Variants in ADRA1B observed in about 807,000 individuals in gnomAD.
ADRA1B encodes the protein alpha-1B adrenergic receptor.
ADRA1B carries 17 observed loss-of-function variants against 17.9 expected under a neutral mutation model. The ratio of observed to expected loss-of-function variants is 0.95; its 90% CI spans 0.65 to 1.42. The LOEUF (loss-of-function observed/expected upper bound fraction) is 1.42. ADRA1B is among the 40% of genes most tolerant of loss of function. The probability of loss-of-function intolerance (pLI) is 0.00; values close to 1 mark genes in which losing one functional copy is unlikely to be tolerated. For synonymous variants in ADRA1B, 366 were observed against 327.6 expected, an observed-to-expected ratio of 1.12 and a Z score of -1.27; for missense variants, 681 against 722.1, an observed-to-expected ratio of 0.94 and a Z score of 0.65.
chr5:159,966,812 A>G (rs1379987852), intron 1 of ADRA1B, among the ~76,000 whole-genome samples: 1 of 152,216 alleles, frequency 6.6e-6, no homozygotes, highest in Non-Finnish European at 1.5e-5. Flanking sequence ...TGAAAAAGTG[A>G]ATGCATGTGG....
At chr5:159,922,745 T>C (rs1470375757) in intron 1 of ADRA1B, among the ~76,000 whole-genome samples, 2 of 152,242 alleles carry the variant, frequency 1.3e-5, no homozygotes, top group African/African-American at 4.8e-5. Flanking sequence ...TAATCATTCA[T>C]CCATTCACTG....
At chr5:159,902,385 T>C (rs1754111394) in intron 1 of ADRA1B, among the ~76,000 whole-genome samples, 1 of 152,206 alleles carries the variant, frequency 6.6e-6, no homozygotes, top group African/African-American at 2.4e-5. Context: ...GATGAACAAG[T>C]TCTACAGATC....
intron 1 of ADRA1B, among the ~76,000 whole-genome samples, chr5:159,927,780 C>G (rs1194707306): frequency 6.6e-6 from 1 of 151,970 alleles, no homozygotes; most frequent in Non-Finnish European, 1.5e-5. Context: ...TCCAATAGTA[C>G]ACCAGTTTCA....
At chr5:159,896,782 A>G (rs1455405805) in intron 1 of ADRA1B, among the ~76,000 whole-genome samples, 1 of 152,204 alleles carries the variant, frequency 6.6e-6, no homozygotes, top group Non-Finnish European at 1.5e-5. Context: ...AGTACTGCCC[A>G]GCACAGGGGG....
intron 1 of ADRA1B, among the ~76,000 whole-genome samples, chr5:159,931,537 T>C (rs950110459): frequency 6.6e-6 from 1 of 152,184 alleles, no homozygotes; most frequent in Non-Finnish European, 1.5e-5. Flanking sequence ...TCTTTCTTGG[T>C]AGCAAAAGGT....
At chr5:159,925,933 G>A (rs1754634645) in intron 1 of ADRA1B, among the ~76,000 whole-genome samples, 1 of 151,860 alleles carries the variant, frequency 6.6e-6, no homozygotes, top group African/African-American at 2.4e-5. Flanking sequence ...AGGGTCCCAT[G>A]AAGAGGGAAG....
At chr5:159,892,135 G>A (rs761035138) in intron 1 of ADRA1B, among the ~76,000 whole-genome samples, 30 of 152,154 alleles carry the variant, frequency 2.0e-4, no homozygotes, top group Non-Finnish European at 4.1e-4. Context: ...TACTCAGGAG[G>A]CTGAGGCAAA....
intron 1 of ADRA1B, among the ~76,000 whole-genome samples, chr5:159,908,680 C>T (rs565281213): frequency 6.6e-6 from 1 of 152,296 alleles, no homozygotes; most frequent in South Asian, 2.1e-4. Flanking sequence ...TACAGCAGTG[C>T]AAGCGATTAA....
At chr5:159,921,744 A>G (rs1263992126) in intron 1 of ADRA1B, among the ~76,000 whole-genome samples, 1 of 152,226 alleles carries the variant, frequency 6.6e-6, no homozygotes, top group East Asian at 1.9e-4. Context: ...TCTCCATAGT[A>G]TTGGAACAAA....
chr5:159,934,976 T>C (rs1357917224), intron 1 of ADRA1B, among the ~76,000 whole-genome samples: 1 of 152,148 alleles, frequency 6.6e-6, no homozygotes, highest in Non-Finnish European at 1.5e-5. Flanking sequence ...TGAAAGGGAC[T>C]CAGCTGGGTG....
upstream of ADRA1B, among the ~76,000 whole-genome samples, chr5:159,912,677 T>C (rs962095280): frequency 1.3e-5 from 2 of 152,264 alleles, no homozygotes; most frequent in African/African-American, 4.8e-5. Context: ...ATACCAATGC[T>C]ACTTACTCAC....
At chr5:159,987,682 G>C in the ADRA1B span, among the ~76,000 whole-genome samples, 1 of 152,230 alleles carries the variant, frequency 6.6e-6, no homozygotes, top group Non-Finnish European at 1.5e-5. Flanking sequence ...TTCTAGGTTA[G>C]GAATGCTTTA....
downstream of ADRA1B, among the ~76,000 whole-genome samples, chr5:159,976,577 A>T (rs2113305828): frequency 6.6e-6 from 1 of 151,970 alleles, no homozygotes; most frequent in Admixed American, 6.6e-5. Context: ...TAAGGCAGGT[A>T]ATCGCCTGAA....
intron 1 of ADRA1B, among the ~76,000 whole-genome samples, chr5:159,866,464 G>A (rs1476501894): frequency 6.6e-6 from 1 of 151,882 alleles, no homozygotes. Context: ...GCACATGCCT[G>A]TAATCCTAGC....
chr5:159,883,558 T>C (rs915254354), intron 1 of ADRA1B, among the ~76,000 whole-genome samples: 2 of 152,198 alleles, frequency 1.3e-5, no homozygotes, highest in African/African-American at 4.8e-5. Flanking sequence ...CTGGTTCTCC[T>C]AGAAGGCCTA....
chr5:159,906,281 C>G (rs1268478739), intron 1 of ADRA1B, among the ~76,000 whole-genome samples: 1 of 151,946 alleles, frequency 6.6e-6, no homozygotes, highest in Non-Finnish European at 1.5e-5. Context: ...TAAGAACCCT[C>G]TCTATAGACA....
intron 1 of ADRA1B, among the ~76,000 whole-genome samples, chr5:159,943,563 G>A (rs758766806): frequency 1.3e-4 from 19 of 151,910 alleles, no homozygotes; most frequent in Non-Finnish European, 1.0e-4. Flanking sequence ...TGTGTAACCC[G>A]TCAGCATCTC....
At chr5:159,865,209 G>A (rs1753638757) in intron 1 of ADRA1B, 1 of 152,194 alleles carries the variant, frequency 6.6e-6, no homozygotes, top group Admixed American at 6.5e-5. Flanking sequence ...CACTTTTGGT[G>A]AGTCGAAAAC....
chr5:159,916,456 T>TC (rs926308927), upstream of ADRA1B: 1 of 152,050 alleles, frequency 6.6e-6, no homozygotes, highest in African/African-American at 2.4e-5. Flanking sequence ...GGCGCCGGGC[T>TC]CCCCCGCCTG....
Sources: allele counts gnomAD v4.1 joint callset (sites outside exome capture counted in the v4.1 genomes callset), GRCh38; gene constraint gnomAD v4.1.1; transcripts MANE v1.5; gene names NCBI Gene and HGNC (gene_info 2026-07-23, HGNC 2026-07-21).